The following CCDC102B variants were observed in gnomAD, a reference collection of about 807,000 sequenced individuals.
The protein encoded by CCDC102B is coiled-coil domain containing 102B.
Under a neutral mutation model 57.4 loss-of-function variants are expected in CCDC102B, and 75 were observed. That is an observed-to-expected ratio of 1.31 (90% CI 1.08 to 1.58). The LOEUF is 1.58. Ranked by LOEUF, CCDC102B falls within the 40% of genes most tolerant of loss-of-function variation. The probability of loss-of-function intolerance (pLI) is 0.00; values close to 1 mark genes in which losing one functional copy is unlikely to be tolerated. For missense variants in CCDC102B, 636 were observed against 582.6 expected (o/e 1.09, Z -0.94); for synonymous variants, 206 against 201.9 (o/e 1.02, Z -0.17).
intron 4 of CCDC102B, among the ~76,000 whole-genome samples, chr18:68,863,234 A>T (rs1439903683): frequency 6.6e-6 from 1 of 151,636 alleles, no homozygotes; most frequent in Non-Finnish European, 1.5e-5. Context: ...TAATTTATTC[A>T]TTAAAAAATC....
intron 5 of CCDC102B, among the ~76,000 whole-genome samples, chr18:68,891,819 T>C (rs2040089008): frequency 6.6e-6 from 1 of 152,152 alleles, no homozygotes; most frequent in South Asian, 2.1e-4. Flanking sequence ...ATCCTCTTAA[T>C]CTTTATTACC....
chr18:68,789,251 C>A (rs975507245), intron 2 of CCDC102B, among the ~76,000 whole-genome samples: 11 of 152,078 alleles, frequency 7.2e-5, no homozygotes, highest in Admixed American at 2.6e-4. Flanking sequence ...TTCTCTCTGG[C>A]TGCCCTTAAC....
chr18:69,006,683 T>C (rs2051358472), intron 6 of CCDC102B, among the ~76,000 whole-genome samples: 1 of 150,588 alleles, frequency 6.6e-6, no homozygotes, highest in South Asian at 2.1e-4. Context: ...CCTCAGGTGA[T>C]CCACCCGCCT....
At chr18:68,814,052 T>A (rs2036382535) in intron 1 of CCDC102B, among the ~76,000 whole-genome samples, 1 of 152,056 alleles carries the variant, frequency 6.6e-6, no homozygotes, top group Non-Finnish European at 1.5e-5. Flanking sequence ...CTTTTATTAG[T>A]AGGAAAAAAT....
intron 6 of CCDC102B, among the ~76,000 whole-genome samples, chr18:68,946,813 C>A (rs1430889964): frequency 6.6e-6 from 1 of 151,900 alleles, no homozygotes; most frequent in African/African-American, 2.4e-5. Context: ...AGATTTCATT[C>A]CAAATTGGGC....
intron 6 of CCDC102B, among the ~76,000 whole-genome samples, chr18:69,003,146 G>A (rs929150551): frequency 2.0e-5 from 3 of 151,854 alleles, no homozygotes; most frequent in African/African-American, 7.3e-5. Flanking sequence ...TATAACTCCG[G>A]AACATGATAA....
rs1409447107 is a variant in CCDC102B at position 68,874,905 on chromosome 18, G to A, written c.1053+120G>A. 9.4e-6 allele frequency: 6 copies of A among 636,988 alleles called. No homozygotes were observed. In the African/African-American group the frequency reaches 1.1e-4, roughly 12 times the overall value. The allele number at this position is 636,988 out of a possible 1,614,324, so 39.5% of individuals were successfully genotyped here. A position where few individuals can be genotyped will look rare whatever the true frequency, so the allele number is the denominator to read the frequency against. The stretch of plus-strand genomic sequence containing the variant: ...TGGTTACTTTATGAAAGTGAATGCT[G>A]CTGCTAATGTAATCAGCTTATATGT... On this transcript the variant is annotated intron_variant, in intron 5 of 7. Coordinates refer to ENST00000360242, the MANE Select transcript of CCDC102B (RefSeq NM_024781.3).
intron 6 of CCDC102B, among the ~76,000 whole-genome samples, chr18:68,904,845 AGATAAGTTT>A (rs1473694599): frequency 2.0e-5 from 3 of 151,458 alleles, no homozygotes; most frequent in Non-Finnish European, 2.9e-5. Context: ...ATTAGTGATA[AGATAAGTTT>A]TACATCCTTT....
intron 7 of CCDC102B, among the ~76,000 whole-genome samples, chr18:69,018,294 A>G (rs964156583): frequency 6.6e-6 from 1 of 152,236 alleles, no homozygotes; most frequent in Admixed American, 6.5e-5. Context: ...GTTTGTATAA[A>G]TTGCAGGATC....
At chr18:69,019,362 A>G (rs1192603521) in intron 7 of CCDC102B, among the ~76,000 whole-genome samples, 2 of 151,844 alleles carry the variant, frequency 1.3e-5, no homozygotes, top group Non-Finnish European at 2.9e-5. Context: ...TTTCTATTTA[A>G]TTGTCTCTTC....
At chr18:69,020,235 T>A (rs80082299) in intron 7 of CCDC102B, among the ~76,000 whole-genome samples, 4,496 of 152,222 alleles carry the variant, frequency 0.03, 147 homozygotes, top group East Asian at 0.15. Context: ...AGGATGAGAT[T>A]TAGCATCTTT....
Position 68,766,795 on chromosome 18 carries a change from A to G in CCDC102B, c.-67+50201A>G, listed in dbSNP as rs181633964. Reference sequence around the variant, plus strand: ...GCCTCAGTTGAAACTGACATATTAGATAGTCAAGAGGTAATAGCTCAGAGA... The same window carrying G: ...GCCTCAGTTGAAACTGACATATTAGGTAGTCAAGAGGTAATAGCTCAGAGA... On this transcript the variant is annotated intron_variant, in intron 2 of 3. Coordinates refer to the CCDC102B transcript ENST00000578970. Among the ~76,000 whole-genome samples, 83 of 152,298 alleles carry G rather than the reference A, an allele frequency of 5.4e-4. No individual in the cohort carries two copies. In the East Asian group the frequency reaches 0.013, roughly 23 times the overall value.
At chr18:68,733,478 TTATATATA>T (rs1301629816) in intron 2 of CCDC102B, among the ~76,000 whole-genome samples, 4 of 25,132 alleles carry the variant, frequency 1.6e-4, no homozygotes, top group African/African-American at 4.9e-4. Flanking sequence ...TTAGACAACT[TTATATATA>T]TATATATATA....
At chr18:68,852,248 T>C (rs1364150901) in intron 4 of CCDC102B, among the ~76,000 whole-genome samples, 1 of 152,022 alleles carries the variant, frequency 6.6e-6, no homozygotes, top group Non-Finnish European at 1.5e-5. Flanking sequence ...TTCCCACTCA[T>C]TTTTTTTCTT....
chr18:68,819,760 G>A (rs1327587904), intron 1 of CCDC102B, among the ~76,000 whole-genome samples: 2 of 151,906 alleles, frequency 1.3e-5, no homozygotes, highest in African/African-American at 4.8e-5. Context: ...TCTTACGAGT[G>A]TATTGTAGTT....
At chr18:68,718,547 G>A (rs376681308) in intron 2 of CCDC102B, among the ~76,000 whole-genome samples, 1 of 152,188 alleles carries the variant, frequency 6.6e-6, no homozygotes, top group Non-Finnish European at 1.5e-5. Context: ...TTCACATTGC[G>A]AAAATGTGTT....
At chr18:68,729,816 A>G (rs1193482895) in intron 2 of CCDC102B, among the ~76,000 whole-genome samples, 1 of 152,246 alleles carries the variant, frequency 6.6e-6, no homozygotes, top group Non-Finnish European at 1.5e-5. Flanking sequence ...CACCATGAAG[A>G]AAGTGAAGTG....
rs1196501421 is a variant in CCDC102B at position 68,969,268 on chromosome 18, G to A, written c.1264-41666G>A. Among the ~76,000 whole-genome samples, 4 of 152,244 alleles carry A rather than the reference G, an allele frequency of 2.6e-5. No individual in the cohort carries two copies. In the East Asian group the frequency reaches 7.7e-4, roughly 29 times the overall value. On this transcript the variant is annotated intron_variant, in intron 6 of 7. Coordinates refer to ENST00000360242, the MANE Select transcript of CCDC102B (RefSeq NM_024781.3). ...GATGCAGAGCCCAGGCATCAGAGGG[G>A]CCCTCGCCTGTGCTGCCAGGGCTCC...
At chr18:68,807,420 GA>G (rs971951114) in intron 1 of CCDC102B, among the ~76,000 whole-genome samples, 1 of 152,092 alleles carries the variant, frequency 6.6e-6, no homozygotes. Context: ...GAAAAACAAG[GA>G]AAAAATAGAG....
Sources: allele counts gnomAD v4.1 joint callset (sites outside exome capture counted in the v4.1 genomes callset), GRCh38; gene constraint gnomAD v4.1.1; transcripts MANE v1.5; gene names NCBI Gene and HGNC (gene_info 2026-07-23, HGNC 2026-07-21).